Variants in CNTNAP2 observed in about 807,000 individuals in gnomAD.
The protein encoded by CNTNAP2 is contactin-associated protein-like 2.
Under a neutral mutation model 155.2 loss-of-function variants are expected in CNTNAP2, and 98 were observed. That is an observed-to-expected ratio of 0.63 (90% confidence interval 0.54 to 0.75). CNTNAP2 has a LOEUF of 0.75. CNTNAP2 is among the 30% of genes least tolerant of loss of function. CNTNAP2 has a pLI of 0.00. For missense variants in CNTNAP2, 1,727 were observed against 1,688.1 expected (o/e 1.02, Z -0.40); for synonymous variants, 651 against 631.2 (o/e 1.03, Z -0.47).
At position 146,611,174 on chromosome 7, in the gene CNTNAP2, C is replaced by T. The variant is rs990963698; in HGVS notation, c.98-163097C>T. 5.3e-5 allele frequency among the ~76,000 whole-genome samples: 8 copies of T among 152,334 alleles called. No homozygotes were observed. In the East Asian group the frequency reaches 9.6e-4, roughly 18 times the overall value. ...AGGCTGGGGTGCAGTGGTGCAATCA[C>T]AGCTCACTCAGCCTCTGCTTCCCTT... On this transcript the variant is annotated intron_variant, in intron 1 of 23. Transcript: ENST00000361727.
intron 3 of CNTNAP2, among the ~76,000 whole-genome samples, chr7:146,948,478 A>G (rs76741184): frequency 0.027 from 4,121 of 152,108 alleles, 189 homozygotes; most frequent in African/African-American, 0.093. Flanking sequence ...TATTATCTCT[A>G]TACTTTTATA....
chr7:147,273,914 TTA>T (rs1007862851), intron 8 of CNTNAP2, among the ~76,000 whole-genome samples: 5 of 148,142 alleles, frequency 3.4e-5, no homozygotes, highest in African/African-American at 1.2e-4. Flanking sequence ...ATTACGTATT[TTA>T]TATATTTCAT....
chr7:146,526,880 G>C (rs367898017), intron 1 of CNTNAP2, among the ~76,000 whole-genome samples: 42 of 152,024 alleles, frequency 2.8e-4, no homozygotes, highest in African/African-American at 9.2e-4. Context: ...GTCAGTTTAC[G>C]TTGTGACCAT....
At chr7:146,872,671 A>C (rs568710169) in intron 3 of CNTNAP2, among the ~76,000 whole-genome samples, 45 of 152,352 alleles carry the variant, frequency 3.0e-4, no homozygotes, top group African/African-American at 1.1e-3. Flanking sequence ...AAACATATCA[A>C]AATAACTGTC....
chr7:148,006,896 T>G (rs1801992974), intron 15 of CNTNAP2, among the ~76,000 whole-genome samples: 1 of 152,208 alleles, frequency 6.6e-6, no homozygotes, highest in Admixed American at 6.5e-5. Context: ...CTAAGCTTCA[T>G]TGCACTTCAT....
chr7:146,248,723 C>A (rs568996866), intron 1 of CNTNAP2, among the ~76,000 whole-genome samples: 4 of 152,026 alleles, frequency 2.6e-5, no homozygotes, highest in Non-Finnish European at 4.4e-5. Flanking sequence ...GACCTGAGGT[C>A]GTACGTGGAT....
At chr7:147,610,341 C>T (rs1801158944) in intron 12 of CNTNAP2, among the ~76,000 whole-genome samples, 1 of 151,620 alleles carries the variant, frequency 6.6e-6, no homozygotes, top group African/African-American at 2.4e-5. Flanking sequence ...CTCTTGTGAT[C>T]CAAGTTTTCT....
chr7:147,674,642 CA>C (rs942772379), intron 13 of CNTNAP2, among the ~76,000 whole-genome samples: 1 of 152,008 alleles, frequency 6.6e-6, no homozygotes, highest in Non-Finnish European at 1.5e-5. Flanking sequence ...TGTTTAAATG[CA>C]ATAGAGATCA....
chr7:146,494,073 C>T (rs1006265387), intron 1 of CNTNAP2, among the ~76,000 whole-genome samples: 4 of 152,064 alleles, frequency 2.6e-5, no homozygotes, highest in African/African-American at 9.7e-5. Flanking sequence ...GTGGCTCACG[C>T]CTGTAATGCC....
At chr7:146,184,985 A>G (rs753622215) in intron 1 of CNTNAP2, among the ~76,000 whole-genome samples, 4 of 152,196 alleles carry the variant, frequency 2.6e-5, no homozygotes, top group Admixed American at 6.5e-5. Context: ...CTAAAAGTTA[A>G]AGAAATAAAA....
chr7:146,939,900 GTTTTTTACATTTTATTT>G, intron 3 of CNTNAP2, among the ~76,000 whole-genome samples: 1 of 150,976 alleles, frequency 6.6e-6, no homozygotes, highest in Non-Finnish European at 1.5e-5. Context: ...TTTTTTTTCA[GTTTTTTACATTTTATTT>G]TTGACTGCTT....
At chr7:146,924,820 A>G (rs1216834955) in intron 3 of CNTNAP2, among the ~76,000 whole-genome samples, 1 of 152,056 alleles carries the variant, frequency 6.6e-6, no homozygotes, top group African/African-American at 2.4e-5. Context: ...AAGCTATTTC[A>G]AAGCTTATGA....
chr7:147,616,306 CCA>C (rs752394261), intron 12 of CNTNAP2, among the ~76,000 whole-genome samples: 4 of 152,160 alleles, frequency 2.6e-5, no homozygotes, highest in Non-Finnish European at 4.4e-5. Flanking sequence ...TAATTATTGA[CCA>C]CACATGAGCC....
intron 12 of CNTNAP2, among the ~76,000 whole-genome samples, chr7:147,612,527 A>C (rs1801207616): frequency 6.6e-6 from 1 of 151,456 alleles, no homozygotes; most frequent in East Asian, 1.9e-4. Flanking sequence ...CAGCCTCTTA[A>C]GTAGCTGGGA....
intron 10 of CNTNAP2, among the ~76,000 whole-genome samples, chr7:147,463,557 C>T (rs1337105463): frequency 6.6e-6 from 1 of 152,132 alleles, no homozygotes; most frequent in East Asian, 1.9e-4. Flanking sequence ...AATCCAATAT[C>T]TCTTGGCCTT....
At chr7:147,601,644 A>AAAATATATATATATAT (rs1299075338) in intron 12 of CNTNAP2, among the ~76,000 whole-genome samples, 6 of 87,466 alleles carry the variant, frequency 6.9e-5, no homozygotes, top group African/African-American at 2.6e-4. Context: ...CTTAAAAAAA[A>AAAATATATATATATAT]ATATATATAT....
chr7:146,864,520 A>G (rs563390541), intron 3 of CNTNAP2, among the ~76,000 whole-genome samples: 20 of 152,288 alleles, frequency 1.3e-4, no homozygotes, highest in African/African-American at 3.4e-4. Context: ...TTTGAATGAG[A>G]AAAAGATATG....
intron 1 of CNTNAP2, among the ~76,000 whole-genome samples, chr7:146,766,189 A>C (rs1036880290): frequency 1.3e-5 from 2 of 152,200 alleles, no homozygotes; most frequent in Admixed American, 6.5e-5. Flanking sequence ...ATAAATATTT[A>C]TTGAATGAAT....
intron 21 of CNTNAP2, among the ~76,000 whole-genome samples, chr7:148,347,503 T>G (rs1798348110): frequency 6.6e-6 from 1 of 152,140 alleles, no homozygotes; most frequent in Non-Finnish European, 1.5e-5. Flanking sequence ...AACCAACATC[T>G]CTTTGACCTT....
Sources: allele counts gnomAD v4.1 joint callset (sites outside exome capture counted in the v4.1 genomes callset), GRCh38; gene constraint gnomAD v4.1.1; transcripts MANE v1.5; gene names NCBI Gene and HGNC (gene_info 2026-07-23, HGNC 2026-07-21).